The following DAB1 variants were observed in gnomAD, a reference collection of about 807,000 sequenced individuals.
The protein encoded by DAB1 is DAB adaptor protein 1, also known as disabled homolog 1.
DAB1 carries 15 observed loss-of-function variants against 64.6 expected under a neutral mutation model. The observed-to-expected ratio is 0.23, with a 90% CI of 0.16 to 0.36. The LOEUF (loss-of-function observed/expected upper bound fraction) is 0.36, where lower values mean the gene tolerates loss of function less well. Ranked by LOEUF, DAB1 falls within the 10% of genes least tolerant of loss-of-function variation. The pLI is 1.00. For synonymous variants in DAB1, 235 were observed against 251.9 expected, an observed-to-expected ratio of 0.93 and a Z score of 0.64; for missense variants, 596 against 706.7, an observed-to-expected ratio of 0.84 and a Z score of 1.78.
At chr1:58,202,836 C>T (rs1365123739) in intron 4 of DAB1, among the ~76,000 whole-genome samples, 1 of 152,144 alleles carries the variant, frequency 6.6e-6, no homozygotes, top group Non-Finnish European at 1.5e-5. Flanking sequence ...TCATTCTCCA[C>T]AGGTAGGTTA....
At chr1:57,674,633 C>T (rs1440623251) in intron 6 of DAB1, among the ~76,000 whole-genome samples, 2 of 152,132 alleles carry the variant, frequency 1.3e-5, no homozygotes, top group Admixed American at 6.5e-5. Flanking sequence ...CAGCCTAATT[C>T]TGGGATTTCA....
intron 5 of DAB1, among the ~76,000 whole-genome samples, chr1:58,005,248 T>C (rs1646563962): frequency 1.3e-5 from 2 of 152,122 alleles, no homozygotes; most frequent in Non-Finnish European, 2.9e-5. Flanking sequence ...GCTTTTAACC[T>C]GCTAGGGATG....
At chr1:57,198,118 A>T (rs1302001051) in intron 2 of DAB1, among the ~76,000 whole-genome samples, 1 of 152,232 alleles carries the variant, frequency 6.6e-6, no homozygotes, top group Non-Finnish European at 1.5e-5. Context: ...ATAAGGTGGA[A>T]GGATATTAAA....
At chr1:58,507,520 T>A (rs2100419589) in intron 2 of DAB1, among the ~76,000 whole-genome samples, 1 of 152,114 alleles carries the variant, frequency 6.6e-6, no homozygotes, top group South Asian at 2.1e-4. Flanking sequence ...GACCTCTGAG[T>A]ATTCTAAGTT....
intron 4 of DAB1, among the ~76,000 whole-genome samples, chr1:58,277,383 T>C (rs1023699525): frequency 6.6e-6 from 1 of 152,164 alleles, no homozygotes; most frequent in African/African-American, 2.4e-5. Flanking sequence ...TTAAGCTTTC[T>C]CTGGGGCAGA....
chr1:57,629,202 T>C (rs527660663), intron 7 of DAB1, among the ~76,000 whole-genome samples: 2 of 152,376 alleles, frequency 1.3e-5, no homozygotes, highest in East Asian at 1.9e-4. Context: ...TACTGTTACA[T>C]GTTGCAGAAA....
chr1:57,256,724 TTTC>T (rs1570074546), intron 2 of DAB1, among the ~76,000 whole-genome samples: 1 of 152,220 alleles, frequency 6.6e-6, no homozygotes, highest in East Asian at 1.9e-4. Flanking sequence ...TATTCTCAAT[TTTC>T]TTCTTCATCA....
At chr1:57,284,160 T>A (rs912980856) in intron 2 of DAB1, among the ~76,000 whole-genome samples, 2 of 152,224 alleles carry the variant, frequency 1.3e-5, no homozygotes, top group Non-Finnish European at 2.9e-5. Context: ...AAGTAAACCT[T>A]ATGCATTTTA....
At chr1:57,119,940 G>A (rs909112814) in intron 4 of DAB1, among the ~76,000 whole-genome samples, 2 of 152,054 alleles carry the variant, frequency 1.3e-5, no homozygotes, top group African/African-American at 4.8e-5. Context: ...TATATCCCAG[G>A]GAAAATCCTT....
intron 4 of DAB1, among the ~76,000 whole-genome samples, chr1:58,166,855 C>T (rs898409152): frequency 2.0e-5 from 3 of 149,002 alleles, no homozygotes; most frequent in African/African-American, 5.0e-5. Context: ...AAGTGATTCT[C>T]ATGCCTCAGC....
intron 5 of DAB1, among the ~76,000 whole-genome samples, chr1:57,948,423 G>T (rs1407479891): frequency 1.3e-5 from 2 of 152,184 alleles, no homozygotes; most frequent in South Asian, 4.1e-4. Flanking sequence ...AAAAATGCAA[G>T]AATTGGAAAT....
chr1:57,384,951 G>A lies in DAB1; in HGVS notation c.-137+38979C>T, dbSNP rs887414640. On this transcript the variant is annotated intron_variant, in intron 1 of 14. Coordinates refer to ENST00000371236, the MANE Select transcript of DAB1 (RefSeq NM_001365792.1). ...ATGTCAGATCAGTAAGGATGTACAC[G>A]TAGGATATTTGTAAAGCATGTTAAA... 3.1e-4 allele frequency among the ~76,000 whole-genome samples: 47 copies of A among 152,164 alleles called. 1 individual carries two copies. The highest frequency in any genetic ancestry group is 1.1e-3 in the African/African-American group (45 of 41,420).
At chr1:58,089,089 G>T (rs1450089664) in intron 5 of DAB1, among the ~76,000 whole-genome samples, 2 of 152,214 alleles carry the variant, frequency 1.3e-5, no homozygotes, top group African/African-American at 4.8e-5. Context: ...TTTTTGACTT[G>T]AACATAACTC....
chr1:57,777,731 A>G (rs1382565612), intron 6 of DAB1, among the ~76,000 whole-genome samples: 1 of 152,050 alleles, frequency 6.6e-6, no homozygotes. Context: ...TACTAAGTCC[A>G]TCATCTCTGC....
chr1:57,405,789 T>G (rs1291330567), intron 1 of DAB1, among the ~76,000 whole-genome samples: 1 of 152,218 alleles, frequency 6.6e-6, no homozygotes, highest in East Asian at 1.9e-4. Context: ...ATCATTAAAT[T>G]ATACCGTACC....
chr1:57,185,495 G>C (rs1663449119), intron 2 of DAB1, among the ~76,000 whole-genome samples: 1 of 150,816 alleles, frequency 6.6e-6, no homozygotes, highest in Non-Finnish European at 1.5e-5. Flanking sequence ...GGGAGAAAAA[G>C]AGAGAGGCAG....
chr1:57,634,804 T>C (rs1172371374), intron 7 of DAB1, among the ~76,000 whole-genome samples: 2 of 152,172 alleles, frequency 1.3e-5, no homozygotes. Context: ...AACAAATAAA[T>C]ATATAATGGT....
intron 6 of DAB1, among the ~76,000 whole-genome samples, chr1:57,820,473 T>C (rs1652066064): frequency 6.6e-6 from 1 of 152,244 alleles, no homozygotes; most frequent in Non-Finnish European, 1.5e-5. Context: ...AATTTCTTAC[T>C]TTCTTTTACA....
At chr1:57,107,167 G>T (rs1655240282) in intron 4 of DAB1, among the ~76,000 whole-genome samples, 1 of 152,038 alleles carries the variant, frequency 6.6e-6, no homozygotes, top group Non-Finnish European at 1.5e-5. Context: ...CTGAGGTCAG[G>T]AGTTCAAGAC....
Sources: allele counts gnomAD v4.1 joint callset (sites outside exome capture counted in the v4.1 genomes callset), GRCh38; gene constraint gnomAD v4.1.1; transcripts MANE v1.5; gene names NCBI Gene and HGNC (gene_info 2026-07-23, HGNC 2026-07-21).